Variants in ARHGEF40 observed in about 807,000 individuals in gnomAD.
The protein encoded by ARHGEF40 is Rho guanine nucleotide exchange factor 40.
A neutral mutation model predicts 165.9 loss-of-function variants in ARHGEF40; 98 were observed. The observed-to-expected ratio is 0.59, with a 90% CI of 0.50 to 0.70. ARHGEF40 has a LOEUF of 0.70. ARHGEF40 is among the 30% of genes least tolerant of loss of function. ARHGEF40 has a pLI of 0.00. For missense variants in ARHGEF40, 1,815 were observed against 1,968.0 expected, an observed-to-expected ratio of 0.92 and a Z score of 1.47; for synonymous variants, 792 against 814.3, an observed-to-expected ratio of 0.97 and a Z score of 0.47.
At chr14:21,078,349 C>T in intron 9 of ARHGEF40, 24 bp from the exon 10 acceptor site, 1 of 1,596,324 alleles carries the variant, frequency 6.3e-7, no homozygotes, top group Admixed American at 1.7e-5. Context: ...GGAACCCCAA[C>T]TGGCAACTCC....
At position 21,074,021 on chromosome 14, in the gene ARHGEF40, G is replaced by C; in HGVS notation, c.291G>C (p.Trp97Cys). The C allele has an allele frequency of 6.2e-7, 1 of 1,613,930 alleles. No individual in the cohort carries two copies. The highest frequency in any genetic ancestry group is 1.1e-5 in the South Asian group (1 of 91,086). ...QVVVQLAALPWQLLRPGDFYL... is the reference protein window; with the variant it reads ...QVVVQLAALPCQLLRPGDFYL... ...TGGTGCAGCTAGCAGCCCTACCCTG[G>C]CAACTGCTGCGCCCAGGAGACTTCT... Residue 97 changes from tryptophan to cysteine, a missense_variant, in exon 3 of 24, where the codon TGG (tryptophan) becomes TGC (cysteine). By Grantham distance (215) the Trp-to-Cys change is radical. Coordinates refer to ENST00000298694, the MANE Select transcript of ARHGEF40 (RefSeq NM_018071.5). The surrounding 1 kb of genome is among the most constrained non-coding windows in gnomAD (Gnocchi z 4.8).
intron 20 of ARHGEF40, 98 bp downstream of exon 20, chr14:21,087,203 C>A: frequency 6.3e-7 from 1 of 1,577,440 alleles, no homozygotes; most frequent in South Asian, 1.1e-5. Context: ...AAAGGCATCT[C>A]GTCCCCAAAT....
rs755477030 is a variant in ARHGEF40 at position 21,086,985 on chromosome 14, T to C, written c.4139-16T>C. ...AGGGCAGGAAGAAGTTGGTAACAAG[T>C]GTCCCTATTCCCCAGAGCTCCGAGT... is the stretch of plus-strand genomic sequence containing the variant. On this transcript the variant is annotated splice_polypyrimidine_tract_variant and intron_variant, in intron 19 of 23. Transcript: ENST00000298694. 2.5e-6 allele frequency: 4 copies of C among 1,584,240 alleles called. No individual in the cohort carries two copies. The Admixed American group carries it at 5.4e-5, about 21-fold the overall frequency.
chr14:21,070,173 G>A (rs1014128547), upstream of ARHGEF40: 2 of 245,218 alleles, frequency 8.2e-6, no homozygotes, highest in Non-Finnish European at 1.5e-5. The surrounding 1 kb of genome is among the most constrained non-coding windows in gnomAD (Gnocchi z 4.7). Context: ...GGGGTCCCGC[G>A]CGGAGGCGGG....
intron 10 of ARHGEF40, 80 bp downstream of exon 10, chr14:21,078,568 C>G: frequency 2.9e-6 from 4 of 1,372,846 alleles, no homozygotes; most frequent in Non-Finnish European, 4.0e-6. Context: ...ACCTTAGCTG[C>G]CAGACCATTC....
chr14:21,078,467 T>G lies in ARHGEF40; in HGVS notation c.2225T>G (p.Leu742Arg). The G allele has an allele frequency of 6.3e-7, 1 of 1,599,318 alleles. No individual in the cohort carries two copies. Among genetic ancestry groups the G allele is most frequent in the Non-Finnish European group, 8.5e-7 (1 of 1,171,562 alleles). ...GATGGGGGGGCCATCCTGATGAGGCTGCGCTCCACTCCCAGCAGCAAGTAC... is the reference window on the plus strand; with the variant it reads ...GATGGGGGGGCCATCCTGATGAGGCGGCGCTCCACTCCCAGCAGCAAGTAC... ...QRDGGAILMR[L>R]RSTPSSKLEG... Residue 742 changes from leucine to arginine, a missense_variant, in exon 10 of 24, where the codon CTG becomes CGG. Physicochemically the swap from Leu to Arg is moderately radical, Grantham distance 102. Coordinates refer to ENST00000298694, the MANE Select transcript of ARHGEF40 (RefSeq NM_018071.5).
intron 19 of ARHGEF40, chr14:21,086,382 AT>A (rs34726909): frequency 0.56 from 85,274 of 151,258 alleles, 24,141 homozygotes; most frequent in Non-Finnish European, 0.62. Context: ...TCTTTAAAGG[AT>A]TTTTTTTTTT....
rs1887191413 is a variant in ARHGEF40, at chr14:21,074,060, G to A, written c.330G>A (p.Val110=). The change falls in exon 3 of 24, where the codon GTG becomes GTA. Residue 110 remains valine (V), a synonymous_variant. Coordinates refer to ENST00000298694, the MANE Select transcript of ARHGEF40 (RefSeq NM_018071.5). The surrounding 1 kb of genome is among the most constrained non-coding windows in gnomAD (Gnocchi z 4.8). ...CAGGAGACTTCTATCTGCAGGTGGT[G>A]CCCTCAGCTGCCCAAGCACCCCGAC... is the stretch of plus-strand genomic sequence containing the variant. The part of the protein sequence containing the change: ...LRPGDFYLQV[V]PSAAQAPRLA... 2 of 1,614,106 alleles carry A rather than the reference G, an allele frequency of 1.2e-6. No homozygotes were observed. The highest frequency in any genetic ancestry group is 8.5e-7 in the Non-Finnish European group (1 of 1,180,038).
rs1161520812 is a variant in ARHGEF40, at chr14:21,070,583, C to T, written c.3+184C>T. On this transcript the variant is annotated intron_variant, in intron 1 of 23. Coordinates refer to ENST00000298694, the MANE Select transcript of ARHGEF40 (RefSeq NM_018071.5). The surrounding 1 kb of genome is among the most constrained non-coding windows in gnomAD (Gnocchi z 4.7). Reference sequence around the variant, plus strand: ...CTGCCCGACTGTTTAGCTCTGTCCCCACCGGGTATTGCCCTCACCCTTTCT... The same window carrying T: ...CTGCCCGACTGTTTAGCTCTGTCCCTACCGGGTATTGCCCTCACCCTTTCT... 1.3e-5 allele frequency among the ~76,000 whole-genome samples: 2 copies of T among 152,106 alleles called. No homozygotes were observed. The highest frequency in any genetic ancestry group is 4.8e-5 in the African/African-American group (2 of 41,424).
Position 21,074,258 on chromosome 14 carries a change from G to T in ARHGEF40, c.528G>T (p.Leu176=), listed in dbSNP as rs769311456. The T allele has an allele frequency of 2.6e-4, 412 of 1,614,004 alleles. No individual in the cohort carries two copies. Among genetic ancestry groups the T allele is most frequent in the Non-Finnish European group, 3.3e-4 (387 of 1,180,026 alleles). Reference sequence around the variant, plus strand: ...CTGCGCCCTCTGGGATTCAGCGGCTGCCCTGGGCTGAGCTCATCTGTCCAC... The same window carrying T: ...CTGCGCCCTCTGGGATTCAGCGGCTTCCCTGGGCTGAGCTCATCTGTCCAC... ...LLSAPSGIQR[L]PWAELICPRF... is the part of the protein sequence containing the mutation. The change falls in exon 3 of 24, where the codon CTG becomes CTT. Residue 176 remains leucine, a synonymous_variant. Coordinates refer to ENST00000298694, the MANE Select transcript of ARHGEF40 (RefSeq NM_018071.5). The surrounding 1 kb of genome is among the most constrained non-coding windows in gnomAD (Gnocchi z 4.8).
At chr14:21,084,327 C>T (rs544115724) in intron 17 of ARHGEF40, among the ~76,000 whole-genome samples, 94 of 152,218 alleles carry the variant, frequency 6.2e-4, no homozygotes, top group Non-Finnish European at 5.3e-4. Flanking sequence ...CCATCTACCC[C>T]ATACTTCCTC....
At chr14:21,067,985 T>TCTCCATGAAAAAAAAAAA (rs1566514089), upstream of ARHGEF40, among the ~76,000 whole-genome samples, 6 of 4,288 alleles carry the variant, frequency 1.4e-3, no homozygotes, top group African/African-American at 7.7e-3. Context: ...CTCCCCTTTT[T>TCTCCATGAAAAAAAAAAA]TTTTTTTTTT....
upstream of ARHGEF40, among the ~76,000 whole-genome samples, chr14:21,068,213 A>G (rs1886386825): frequency 7.0e-5 from 1 of 14,312 alleles, no homozygotes; most frequent in African/African-American, 1.1e-4. Context: ...GTTAGCCAGG[A>G]TGGTCTCGAT....
intron 18 of ARHGEF40, 65 bp from the exon 19 acceptor site, chr14:21,085,624 G>C (rs935522503): frequency 6.4e-7 from 1 of 1,557,668 alleles, no homozygotes; most frequent in African/African-American, 1.4e-5. Context: ...CCCAGTGCTT[G>C]CCATGTGGCG....
chr14:21,080,216 A>G (rs1887773816), intron 11 of ARHGEF40, among the ~76,000 whole-genome samples: 1 of 135,464 alleles, frequency 7.4e-6, no homozygotes, highest in Non-Finnish European at 1.6e-5. Context: ...ACACACACAC[A>G]CACACACACA....
chr14:21,070,833 T>G lies in ARHGEF40; in HGVS notation c.3+434T>G. 2 of 1,535,630 alleles carry G rather than the reference T, an allele frequency of 1.3e-6. No individual in the cohort carries two copies. The highest frequency in any genetic ancestry group is 1.2e-5 in the South Asian group (1 of 84,060). ...CTCGGGTCATGAGAACTGACCTGCA[T>G]GGAACCACCATTTTCCATCCCTGTC... On this transcript the variant is annotated intron_variant, in intron 1 of 23. Transcript: ENST00000298694. The surrounding 1 kb of genome is among the most constrained non-coding windows in gnomAD (Gnocchi z 4.7).
In ARHGEF40 at chr14:21,084,864, A is replaced by T; in HGVS notation, c.3901A>T (p.Ser1301Cys). The change falls in exon 18 of 24, where the codon AGC (serine) becomes TGC (cysteine). Residue 1301 changes from serine to cysteine, a missense_variant. Ser to Cys is a moderately radical substitution (Grantham distance 112). Coordinates refer to ENST00000298694, the MANE Select transcript of ARHGEF40 (RefSeq NM_018071.5). Reference protein sequence around the residue: ...VFLFEHLLLFSKLKGPEGGSE... With the variant: ...VFLFEHLLLFCKLKGPEGGSE... ...TCTCTTCGAGCATCTCCTCCTGTTCAGCAAGCTCAAGGGCCCTGAAGGGGG... is the reference window on the plus strand; with the variant it reads ...TCTCTTCGAGCATCTCCTCCTGTTCTGCAAGCTCAAGGGCCCTGAAGGGGG... 1 of 1,614,204 alleles carries T rather than the reference A, an allele frequency of 6.2e-7. No homozygotes were observed. The highest frequency in any genetic ancestry group is 8.5e-7 in the Non-Finnish European group (1 of 1,180,034).
upstream of ARHGEF40, among the ~76,000 whole-genome samples, chr14:21,065,985 A>C (rs1886242032): frequency 6.6e-6 from 1 of 152,118 alleles, no homozygotes; most frequent in African/African-American, 2.4e-5. Context: ...TGTAAACCCA[A>C]CTACTTGGGA....
chr14:21,075,335 A>C lies in ARHGEF40; in HGVS notation c.1454A>C (p.His485Pro). 6.2e-7 allele frequency: 1 copy of C among 1,613,998 alleles called. No homozygotes were observed. Among genetic ancestry groups the C allele is most frequent in the Non-Finnish European group, 8.5e-7 (1 of 1,180,002 alleles). Residue 485 changes from histidine to proline, a missense_variant, in exon 4 of 24, where the codon CAC becomes CCC. Coordinates refer to ENST00000298694, the MANE Select transcript of ARHGEF40 (RefSeq NM_018071.5). This position sits in a 1 kb window ranked among gnomAD's most constrained non-coding sequence, Gnocchi z 4.5. ...GTTTCTGTCTGTGTCTGTGCAGGAC[A>C]CACAGGCCCAGAAGGCCCCCTGTCT... ...EGPGLLCMAG[H>P]TGPEGPLSDT... is the part of the protein sequence containing the mutation.
Sources: gnomAD v4.1 joint callset for allele counts (sites outside exome capture counted in the v4.1 genomes callset) on GRCh38, gnomAD v4.1.1 for gene constraint, Gnocchi (gnomAD v3.1) non-coding constraint, MANE v1.5 for transcripts, NCBI Gene and HGNC (gene_info 2026-07-23, HGNC 2026-07-21) for gene names.